TBC1D22A: variants seen among roughly 807,000 people sequenced by gnomAD.
TBC1D22A encodes putative GTPase activator.
TBC1D22A carries 38 observed loss-of-function variants against 60.2 expected under a neutral mutation model. That is an observed-to-expected ratio of 0.63 (90% confidence interval 0.49 to 0.83). The LOEUF is 0.83. Among genes scored for constraint, TBC1D22A ranks in the 40% least tolerant of loss-of-function variants. The pLI is 0.00. For missense variants in TBC1D22A, 628 were observed against 701.0 expected, an observed-to-expected ratio of 0.90 and a Z score of 1.18; for synonymous variants, 302 against 281.7, an observed-to-expected ratio of 1.07 and a Z score of -0.72.
intron 12 of TBC1D22A, among the ~76,000 whole-genome samples, chr22:47,123,123 C>T (rs1037290999): frequency 4.6e-5 from 7 of 152,148 alleles, no homozygotes; most frequent in African/African-American, 1.2e-4. Flanking sequence ...CGTGAGGTTC[C>T]GTCTGCCAAG....
At chr22:47,047,492 T>C (rs2063068967) in intron 11 of TBC1D22A, among the ~76,000 whole-genome samples, 1 of 152,148 alleles carries the variant, frequency 6.6e-6, no homozygotes, top group Non-Finnish European at 1.5e-5. Context: ...CACAGCTGGT[T>C]GCTGGAAATA....
At chr22:47,049,254 T>A (rs1203105281) in intron 11 of TBC1D22A, among the ~76,000 whole-genome samples, 1 of 152,240 alleles carries the variant, frequency 6.6e-6, no homozygotes, top group Non-Finnish European at 1.5e-5. Context: ...TATTGACATT[T>A]TCCGATATTA....
intron 5 of TBC1D22A, among the ~76,000 whole-genome samples, chr22:46,888,237 C>T (rs115384360): frequency 0.014 from 2,120 of 152,316 alleles, 65 homozygotes; most frequent in African/African-American, 0.048. Flanking sequence ...TGTAGCTTAG[C>T]CCAGTTAAGA....
intron 9 of TBC1D22A, among the ~76,000 whole-genome samples, chr22:46,995,861 T>C (rs1470504077): frequency 1.3e-5 from 2 of 152,100 alleles, no homozygotes; most frequent in Non-Finnish European, 2.9e-5. Flanking sequence ...CACACCACTC[T>C]CTGGTTTACT....
intron 7 of TBC1D22A, among the ~76,000 whole-genome samples, chr22:46,908,195 C>A (rs111562916): frequency 6.6e-5 from 10 of 152,178 alleles, no homozygotes; most frequent in African/African-American, 2.4e-4. Context: ...ACTGTCACTG[C>A]GGACCAGGCA....
intron 10 of TBC1D22A, among the ~76,000 whole-genome samples, chr22:47,034,848 C>G (rs2062604840): frequency 1.3e-5 from 2 of 152,352 alleles, no homozygotes; most frequent in Middle Eastern, 3.4e-3. Context: ...GGTTTTAATA[C>G]ACAAATAACA....
chr22:47,153,647 C>A (rs138802955), intron 12 of TBC1D22A, among the ~76,000 whole-genome samples: 1 of 151,978 alleles, frequency 6.6e-6, no homozygotes, highest in African/African-American at 2.4e-5. Context: ...AGGAGTGAGC[C>A]GGGAAGCAGG....
intron 11 of TBC1D22A, among the ~76,000 whole-genome samples, chr22:47,066,274 G>A (rs1386606549): frequency 2.0e-5 from 3 of 152,238 alleles, no homozygotes; most frequent in Admixed American, 6.5e-5. Context: ...TGGTGCTCAC[G>A]CAGGAGGATG....
chr22:46,831,033 T>C (rs2086287435), intron 4 of TBC1D22A, among the ~76,000 whole-genome samples: 1 of 152,104 alleles, frequency 6.6e-6, no homozygotes, highest in African/African-American at 2.4e-5. Context: ...TGGATGACAG[T>C]GACCTCATCT....
rs1466470086 is a variant in TBC1D22A at position 47,174,957 on chromosome 22, C to G, written c.*1331C>G. ...CCTGGAATGCGGGCAGGGCCACAGCCACAGTCTGTCTGATCCCTGAGCCCA... is the reference window on the plus strand; with the variant it reads ...CCTGGAATGCGGGCAGGGCCACAGCGACAGTCTGTCTGATCCCTGAGCCCA... On this transcript the variant is annotated 3_prime_UTR_variant, in exon 13 of 13. Coordinates refer to ENST00000337137, the MANE Select transcript of TBC1D22A (RefSeq NM_014346.5). The G allele has an allele frequency of 1.3e-5, 2 of 152,198 alleles. No homozygotes were observed. The highest frequency in any genetic ancestry group is 2.4e-5 in the African/African-American group (1 of 41,402). The allele number at this position is 152,198 out of a possible 1,614,324, so 9.4% of individuals were successfully genotyped here. A position where few individuals can be genotyped will look rare whatever the true frequency, so the allele number is the denominator to read the frequency against.
At chr22:47,114,931 C>A (rs957196420) in intron 12 of TBC1D22A, among the ~76,000 whole-genome samples, 7 of 152,052 alleles carry the variant, frequency 4.6e-5, no homozygotes, top group African/African-American at 1.4e-4. Flanking sequence ...TGTCCTAGGT[C>A]CCCTTGGCCT....
At chr22:47,064,162 G>A (rs972309378) in intron 11 of TBC1D22A, among the ~76,000 whole-genome samples, 1 of 152,244 alleles carries the variant, frequency 6.6e-6, no homozygotes, top group Non-Finnish European at 1.5e-5. Context: ...CGTGGAGCAG[G>A]GCTGATGCGT....
intron 9 of TBC1D22A, among the ~76,000 whole-genome samples, chr22:46,989,395 G>A (rs530743457): frequency 3.2e-4 from 49 of 151,908 alleles, no homozygotes; most frequent in African/African-American, 1.2e-3. Context: ...CTTTTTGCAT[G>A]CCTTCCTCAC....
At chr22:47,050,695 C>T (rs977190022) in intron 11 of TBC1D22A, among the ~76,000 whole-genome samples, 12 of 142,708 alleles carry the variant, frequency 8.4e-5, no homozygotes, top group African/African-American at 2.3e-4. Context: ...GGGTGGGGCC[C>T]GGAGTCAGAT....
chr22:46,902,484 T>C lies in TBC1D22A; in HGVS notation c.900+7638T>C, dbSNP rs112548641. Among the ~76,000 whole-genome samples the C allele has an allele frequency of 8.8e-3, 1,346 of 152,374 alleles. 24 individuals carry two copies. The highest frequency in any genetic ancestry group is 0.031 in the African/African-American group (1,299 of 41,586). On this transcript the variant is annotated intron_variant, in intron 7 of 12. Coordinates refer to ENST00000337137, the MANE Select transcript of TBC1D22A (RefSeq NM_014346.5). ...TTCTTGTTTGAACCATTTCAGATTA[T>C]TCTGTGTTGTCCTTAAACACAGCCG...
At chr22:47,151,260 G>C (rs989464088) in intron 12 of TBC1D22A, among the ~76,000 whole-genome samples, 1 of 152,134 alleles carries the variant, frequency 6.6e-6, no homozygotes, top group African/African-American at 2.4e-5. Context: ...GCGCCCACCC[G>C]TGTACTCTCC....
At chr22:46,981,292 G>A (rs940621901) in intron 9 of TBC1D22A, among the ~76,000 whole-genome samples, 6 of 152,174 alleles carry the variant, frequency 3.9e-5, no homozygotes, top group African/African-American at 1.4e-4. Context: ...TGAGTGCTTC[G>A]TTGTAATATT....
chr22:46,899,099 C>G (rs2068840513), intron 7 of TBC1D22A, among the ~76,000 whole-genome samples: 2 of 152,036 alleles, frequency 1.3e-5, no homozygotes, highest in African/African-American at 4.8e-5. Context: ...TGAGCACAGC[C>G]TTGTGTGTGT....
rs555439265 is a variant in TBC1D22A at position 46,981,480 on chromosome 22, A to G, written c.1125+7081A>G. Reference sequence around the variant, plus strand: ...AATCTCACCTTGAATTGTAATCTCCATAATCCCCCACATGTCAAGGCAGAG... The same window carrying G: ...AATCTCACCTTGAATTGTAATCTCCGTAATCCCCCACATGTCAAGGCAGAG... On this transcript the variant is annotated intron_variant, in intron 9 of 12. Coordinates refer to ENST00000337137, the MANE Select transcript of TBC1D22A (RefSeq NM_014346.5). 2.0e-5 allele frequency among the ~76,000 whole-genome samples: 3 copies of G among 152,310 alleles called. No homozygotes were observed. In the East Asian group the frequency reaches 5.8e-4, roughly 29 times the overall value.
Sources: gnomAD v4.1 joint callset for allele counts (sites outside exome capture counted in the v4.1 genomes callset) on GRCh38, gnomAD v4.1.1 for gene constraint, MANE v1.5 for transcripts, NCBI Gene and HGNC (gene_info 2026-07-23, HGNC 2026-07-21) for gene names.